The following SLC9A9 variants were observed in gnomAD, a reference collection of about 807,000 sequenced individuals.
The protein encoded by SLC9A9 is solute carrier family 9 member A9.
SLC9A9 carries 62 observed loss-of-function variants against 77.8 expected under a neutral mutation model. The ratio of observed to expected loss-of-function variants is 0.80; its 90% CI spans 0.65 to 0.98. SLC9A9 has a LOEUF of 0.98. SLC9A9 is among the 50% of genes least tolerant of loss of function. SLC9A9 has a pLI of 0.00. For missense variants in SLC9A9, 775 were observed against 774.9 expected (o/e 1.00, Z 0.00); for synonymous variants, 320 against 283.5 (o/e 1.13, Z -1.29).
chr3:143,702,544 T>A (rs973581470), intron 4 of SLC9A9, among the ~76,000 whole-genome samples: 13 of 90,312 alleles, frequency 1.4e-4, no homozygotes, highest in Non-Finnish European at 2.5e-4. Flanking sequence ...TAATGAAAAC[T>A]GCAAATCAAA....
intron 14 of SLC9A9, among the ~76,000 whole-genome samples, chr3:143,323,506 G>C (rs569468380): frequency 3.2e-4 from 49 of 152,230 alleles, no homozygotes; most frequent in African/African-American, 1.2e-3. Context: ...TCATATATTG[G>C]AGCTTAAAAA....
chr3:143,453,428 A>T (rs538291376), intron 12 of SLC9A9, among the ~76,000 whole-genome samples: 1 of 152,286 alleles, frequency 6.6e-6, no homozygotes, highest in East Asian at 1.9e-4. Flanking sequence ...GAAAACTATA[A>T]GACTAATTCA....
In SLC9A9 at chr3:143,692,258, C is replaced by T. The variant is rs181376803; in HGVS notation, c.649+934G>A. ...AATCATATCAATCCATTGTAATATGCTGCCCTTGTTTGGATCTTGATTTGT... is the reference window on the plus strand; with the variant it reads ...AATCATATCAATCCATTGTAATATGTTGCCCTTGTTTGGATCTTGATTTGT... On this transcript the variant is annotated intron_variant, in intron 5 of 15. Coordinates refer to ENST00000316549, the MANE Select transcript of SLC9A9 (RefSeq NM_173653.4). Among the ~76,000 whole-genome samples, 27 of 152,126 alleles carry T rather than the reference C, an allele frequency of 1.8e-4. 1 individual carries two copies. Among genetic ancestry groups the T allele is most frequent in the Admixed American group, 1.4e-3 (21 of 15,264 alleles).
At chr3:143,291,301 G>A (rs2029943090) in intron 14 of SLC9A9, among the ~76,000 whole-genome samples, 1 of 152,178 alleles carries the variant, frequency 6.6e-6, no homozygotes, top group Non-Finnish European at 1.5e-5. Context: ...GAAGTGCTAA[G>A]CCGATGAGAC....
At chr3:143,795,671 G>C (rs2008366221) in intron 3 of SLC9A9, among the ~76,000 whole-genome samples, 1 of 152,210 alleles carries the variant, frequency 6.6e-6, no homozygotes, top group African/African-American at 2.4e-5. Context: ...CGAAGCTGCT[G>C]TGAGCCATAA....
chr3:143,552,258 T>C, intron 9 of SLC9A9, 104 bp downstream of exon 9: 1 of 792,022 alleles, frequency 1.3e-6, no homozygotes. Context: ...AAGCTTACAT[T>C]CTTCCTTTAC....
intron 12 of SLC9A9, among the ~76,000 whole-genome samples, chr3:143,414,946 G>A (rs753064770): frequency 6.6e-6 from 1 of 152,222 alleles, no homozygotes; most frequent in Admixed American, 6.5e-5. Flanking sequence ...GGAAGTTAAA[G>A]ATGCTACTCC....
At chr3:143,681,498 A>G (rs1044153815) in intron 5 of SLC9A9, among the ~76,000 whole-genome samples, 1 of 152,122 alleles carries the variant, frequency 6.6e-6, no homozygotes, top group Non-Finnish European at 1.5e-5. Context: ...TGATGGATTT[A>G]TTTATCTGAC....
At chr3:143,606,547 C>T (rs745640271) in intron 6 of SLC9A9, among the ~76,000 whole-genome samples, 1 of 147,378 alleles carries the variant, frequency 6.8e-6, no homozygotes, top group African/African-American at 2.5e-5. Context: ...AGAAACAGAA[C>T]AGCCTGAAAG....
At chr3:143,658,473 T>C (rs2038930642) in intron 5 of SLC9A9, among the ~76,000 whole-genome samples, 1 of 152,218 alleles carries the variant, frequency 6.6e-6, no homozygotes, top group African/African-American at 2.4e-5. Flanking sequence ...GGTATACATG[T>C]AGGGGATTTC....
In SLC9A9 at chr3:143,833,918, G is replaced by T. The variant is rs551786167; in HGVS notation, c.176-1697C>A. On this transcript the variant is annotated intron_variant, in intron 1 of 15. Transcript: ENST00000316549. The stretch of plus-strand genomic sequence containing the variant: ...GAGACAGAGAGAGACTCTAGACCTA[G>T]ACCATAGGCAGAGCCAGGTCAGAAA... Among the ~76,000 whole-genome samples the T allele has an allele frequency of 7.2e-5, 11 of 152,272 alleles. No individual in the cohort carries two copies. The East Asian group carries it at 2.1e-3, about 29-fold the overall frequency.
intron 14 of SLC9A9, among the ~76,000 whole-genome samples, chr3:143,339,948 C>A (rs1277346614): frequency 6.6e-6 from 1 of 152,066 alleles, no homozygotes; most frequent in Non-Finnish European, 1.5e-5. Flanking sequence ...TATTAACTGA[C>A]ATAAAAAAAG....
intron 14 of SLC9A9, among the ~76,000 whole-genome samples, chr3:143,359,124 T>C (rs1216242157): frequency 6.6e-6 from 1 of 152,212 alleles, no homozygotes; most frequent in African/African-American, 2.4e-5. Flanking sequence ...TTCTGATAAT[T>C]AATTGGATTT....
intron 12 of SLC9A9, among the ~76,000 whole-genome samples, chr3:143,443,736 T>C (rs1559918121): frequency 6.6e-6 from 1 of 152,208 alleles, no homozygotes; most frequent in Non-Finnish European, 1.5e-5. Flanking sequence ...TATGCTATCA[T>C]GTTTAAGTTT....
At chr3:143,764,479 C>T (rs1257070260) in intron 4 of SLC9A9, among the ~76,000 whole-genome samples, 2 of 152,234 alleles carry the variant, frequency 1.3e-5, no homozygotes. Flanking sequence ...ATTAGATGCA[C>T]AGTCACCACC....
intron 2 of SLC9A9, among the ~76,000 whole-genome samples, chr3:143,805,380 A>G (rs1286655802): frequency 6.6e-6 from 1 of 152,058 alleles, no homozygotes; most frequent in East Asian, 1.9e-4. Context: ...AACATCGCCC[A>G]TTATCTCTCC....
intron 2 of SLC9A9, among the ~76,000 whole-genome samples, chr3:143,823,291 C>T (rs996096310): frequency 6.6e-6 from 1 of 152,146 alleles, no homozygotes; most frequent in African/African-American, 2.4e-5. Context: ...TATTAACTTA[C>T]AACTCAGCTA....
intron 4 of SLC9A9, among the ~76,000 whole-genome samples, chr3:143,734,732 CAAAAAAAAAAA>C (rs532314682): frequency 4.5e-5 from 3 of 66,162 alleles, no homozygotes; most frequent in African/African-American, 9.4e-5. Flanking sequence ...GACTCCATCT[CAAAAAAAAAAA>C]AAAAAAAAAG....
At chr3:143,461,657 C>A (rs948268544) in intron 12 of SLC9A9, among the ~76,000 whole-genome samples, 3 of 152,070 alleles carry the variant, frequency 2.0e-5, no homozygotes, top group Non-Finnish European at 2.9e-5. Context: ...GAGGGAGGCA[C>A]AATTAGGACC....
Sources: gnomAD v4.1 joint callset for allele counts (sites outside exome capture counted in the v4.1 genomes callset) on GRCh38, gnomAD v4.1.1 for gene constraint, MANE v1.5 for transcripts, NCBI Gene and HGNC (gene_info 2026-07-23, HGNC 2026-07-21) for gene names.